Variants in DLC1 observed in about 807,000 individuals in gnomAD.
DLC1 encodes rho GTPase-activating protein 7.
DLC1 carries 54 observed loss-of-function variants against 140.3 expected under a neutral mutation model. The ratio of observed to expected loss-of-function variants is 0.38; its 90% CI spans 0.31 to 0.48. The LOEUF (loss-of-function observed/expected upper bound fraction) is 0.48. DLC1 is among the 20% of genes least tolerant of loss of function. The pLI is 0.96. For missense variants in DLC1, 2,536 were observed against 1,907.0 expected (o/e 1.33, Z -6.14); for synonymous variants, 986 against 728.1 (o/e 1.35, Z -5.70).
chr8:13,528,384 A>C (rs962766432), intron 1 of DLC1, among the ~76,000 whole-genome samples: 6 of 152,170 alleles, frequency 3.9e-5, no homozygotes, highest in Admixed American at 3.3e-4. Context: ...TACATATCTG[A>C]TTGTAAGTTG....
intron 5 of DLC1, among the ~76,000 whole-genome samples, chr8:13,219,037 A>AATT (rs1554473287): frequency 4.1e-4 from 16 of 38,692 alleles, no homozygotes; most frequent in South Asian, 7.4e-4. Flanking sequence ...TAATTATGTG[A>AATT]ATATAATTAT....
chr8:13,346,171 C>T (rs1040358937), intron 4 of DLC1, among the ~76,000 whole-genome samples: 1 of 152,170 alleles, frequency 6.6e-6, no homozygotes, highest in Admixed American at 6.5e-5. Context: ...ATTAGATAGC[C>T]TTAACCTTGG....
chr8:13,400,523 A>G (rs192458806), intron 3 of DLC1, among the ~76,000 whole-genome samples: 68 of 152,340 alleles, frequency 4.5e-4, no homozygotes, highest in African/African-American at 1.5e-3. Flanking sequence ...AGAGCTAACA[A>G]TTGTTATATT....
chr8:13,181,560 C>A (rs1440542966), intron 5 of DLC1, among the ~76,000 whole-genome samples: 3 of 134,714 alleles, frequency 2.2e-5, no homozygotes, highest in Non-Finnish European at 4.7e-5. Context: ...TTGTTCAATT[C>A]CCACCTATGA....
chr8:13,422,928 T>C (rs1838384600), intron 2 of DLC1, among the ~76,000 whole-genome samples: 1 of 152,082 alleles, frequency 6.6e-6, no homozygotes, highest in Non-Finnish European at 1.5e-5. Flanking sequence ...GAGCCTTGAA[T>C]TTGAGTAAAA....
intron 1 of DLC1, among the ~76,000 whole-genome samples, chr8:13,513,051 T>C (rs1802448651): frequency 6.6e-6 from 1 of 151,556 alleles, no homozygotes; most frequent in Non-Finnish European, 1.5e-5. Flanking sequence ...CATACTTCAT[T>C]ATGCATAATT....
In DLC1 at chr8:13,090,307, A is replaced by C. The variant is rs1442272121; in HGVS notation, c.4019T>G (p.Phe1340Cys). ...DGLFKEVKEK[F>C]KGWVSYSTSE... ...AGTGGAGTAGCTGACCCAGCCTTTA[A>C]ACTTCTCTTTGACTTCTTTAAACAG... The change falls in exon 15 of 18, where the codon TTT (phenylalanine) becomes TGT (cysteine). Residue 1340 changes from phenylalanine (F) to cysteine (C), a missense_variant. Coordinates refer to ENST00000276297, the MANE Select transcript of DLC1 (RefSeq NM_182643.3). 3 of 1,614,150 alleles carry C rather than the reference A, an allele frequency of 1.9e-6. No individual in the cohort carries two copies. In the East Asian group the frequency reaches 6.7e-5, roughly 36 times the overall value.
At chr8:13,571,052 A>G (rs1804636151) in intron 1 of DLC1, among the ~76,000 whole-genome samples, 1 of 152,198 alleles carries the variant, frequency 6.6e-6, no homozygotes, top group South Asian at 2.1e-4. Flanking sequence ...CAACTTTATT[A>G]TTGGGTAGGG....
intron 2 of DLC1, among the ~76,000 whole-genome samples, chr8:13,402,519 G>A (rs868785443): frequency 1.3e-5 from 2 of 152,206 alleles, no homozygotes; most frequent in East Asian, 1.9e-4. Flanking sequence ...GAGAAATGTC[G>A]CACATGCAGT....
At chr8:13,270,902 G>C (rs901910959) in intron 5 of DLC1, among the ~76,000 whole-genome samples, 3 of 152,088 alleles carry the variant, frequency 2.0e-5, no homozygotes, top group Non-Finnish European at 4.4e-5. Context: ...TTGCAGAGTA[G>C]CTCATTTAAT....
At chr8:13,387,621 G>A (rs1836580385) in intron 4 of DLC1, among the ~76,000 whole-genome samples, 2 of 152,006 alleles carry the variant, frequency 1.3e-5, no homozygotes, top group South Asian at 4.2e-4. Flanking sequence ...AAATTACTAA[G>A]GGAAAACCTT....
intron 1 of DLC1, among the ~76,000 whole-genome samples, chr8:13,502,206 A>G (rs1801850433): frequency 6.6e-6 from 1 of 152,218 alleles, no homozygotes; most frequent in Non-Finnish European, 1.5e-5. Context: ...CTGTCAAATC[A>G]AAGGAAGATA....
intron 1 of DLC1, among the ~76,000 whole-genome samples, chr8:13,529,718 T>C (rs899310460): frequency 6.6e-6 from 1 of 152,192 alleles, no homozygotes; most frequent in Admixed American, 6.5e-5. Flanking sequence ...GGAGCACCTA[T>C]CCTTCCAGAA....
intron 4 of DLC1, among the ~76,000 whole-genome samples, chr8:13,345,745 G>C (rs373337642): frequency 1.3e-5 from 2 of 151,742 alleles, no homozygotes; most frequent in Non-Finnish European, 2.9e-5. Context: ...TTTTGGTAGA[G>C]ATGGGGTTTC....
chr8:13,152,208 G>A (rs1430696973), intron 5 of DLC1, among the ~76,000 whole-genome samples: 1 of 152,202 alleles, frequency 6.6e-6, no homozygotes, highest in Non-Finnish European at 1.5e-5. Flanking sequence ...AGCAGTGCCA[G>A]GTTTTCCAAA....
At position 13,479,863 on chromosome 8, in the gene DLC1, A is replaced by AAAAG. The variant is rs71207156; in HGVS notation, c.1023+19182_1023+19185dup. Among the ~76,000 whole-genome samples the AAAAG allele has an allele frequency of 6.4e-4, 36 of 56,412 alleles. 1 individual carries two copies. The highest frequency in any genetic ancestry group is 8.9e-4 in the African/African-American group (13 of 14,620). The allele number at this position is 56,412 out of a possible 152,430, so 37.0% of individuals were successfully genotyped here. A position where few individuals can be genotyped will look rare whatever the true frequency, so the allele number is the denominator to read the frequency against. On this transcript the variant is annotated intron_variant, in intron 2 of 17. Coordinates refer to ENST00000276297, the MANE Select transcript of DLC1 (RefSeq NM_182643.3). ...GAAGAAGAAGAAGAAGAAGAAGAGAAAAAGAAAGAAAGAAAGAAAGAAAGA... is the reference window on the plus strand; with the variant it reads ...GAAGAAGAAGAAGAAGAAGAAGAGAAAAAGAAAGAAAGAAAGAAAGAAAGAAAGA...
intron 1 of DLC1, among the ~76,000 whole-genome samples, chr8:13,537,941 A>G (rs868351337): frequency 8.5e-5 from 13 of 152,084 alleles, no homozygotes; most frequent in Middle Eastern, 6.3e-3. Flanking sequence ...GGCGTGAGCC[A>G]CCGCACCCGG....
At chr8:13,459,567 C>T (rs1448013743) in intron 2 of DLC1, among the ~76,000 whole-genome samples, 2 of 152,116 alleles carry the variant, frequency 1.3e-5, no homozygotes, top group Non-Finnish European at 2.9e-5. Context: ...GCGCTGTGTT[C>T]CAATGGGGGC....
At chr8:13,524,145 TTA>T (rs1802846990) in intron 1 of DLC1, among the ~76,000 whole-genome samples, 3 of 139,926 alleles carry the variant, frequency 2.1e-5, no homozygotes, top group Non-Finnish European at 4.6e-5. Context: ...ATTATTATTA[TTA>T]TTATTATTGA....
Sources: allele counts gnomAD v4.1 joint callset (sites outside exome capture counted in the v4.1 genomes callset), GRCh38; gene constraint gnomAD v4.1.1; transcripts MANE v1.5; gene names NCBI Gene and HGNC (gene_info 2026-07-23, HGNC 2026-07-21).